SLC49A3: variants seen among roughly 807,000 people sequenced by gnomAD.
SLC49A3 encodes the protein solute carrier family 49 member A3.
A neutral mutation model predicts 43.8 loss-of-function variants in SLC49A3; 50 were observed. That is an observed-to-expected ratio of 1.14 (90% CI 0.91 to 1.45). The LOEUF (loss-of-function observed/expected upper bound fraction) is 1.45, where lower values mean the gene tolerates loss of function less well. SLC49A3 is among the 40% of genes most tolerant of loss of function. The pLI is 0.00. For synonymous variants in SLC49A3, 413 were observed against 352.0 expected, an observed-to-expected ratio of 1.17 and a Z score of -1.94; for missense variants, 906 against 774.1, an observed-to-expected ratio of 1.17 and a Z score of -2.02.
intron 5 of SLC49A3, 41 bp from the exon 6 acceptor site, chr4:684,640 C>A: frequency 6.2e-7 from 1 of 1,610,886 alleles, no homozygotes; most frequent in Non-Finnish European, 8.5e-7. Context: ...CCCGGGGGCC[C>A]TTCCCAAACC....
Position 686,536 on chromosome 4 carries a change from G to A in SLC49A3, c.290C>T (p.Ala97Val), listed in dbSNP as rs139449222. ...ATGGTGTGGGGTCTGACTCACCGCC[G>A]CACGGAGCCCGACGGAGTCCAGGAT... ...IWILDSVGLR[A>V]ATILGAWLNF... is the part of the protein sequence containing the mutation. The change falls in exon 2 of 10, where the codon GCG becomes GTG. Residue 97 changes from alanine (A) to valine (V), a missense_variant. Ala to Val is a moderately conservative substitution (Grantham distance 64, BLOSUM62 0). Transcript: ENST00000322224. 22 of 1,612,160 alleles carry A rather than the reference G, an allele frequency of 1.4e-5. No homozygotes were observed. The highest frequency in any genetic ancestry group is 4.4e-5 in the South Asian group (4 of 91,042).
At chr4:689,417 CG>C, upstream of SLC49A3, 1 of 248,570 alleles carries the variant, frequency 4.0e-6, no homozygotes, top group East Asian at 7.9e-5. Flanking sequence ...GGAAGGGCCC[CG>C]GTCACAGCCT....
Position 682,222 on chromosome 4 carries a change from G to T in SLC49A3, c.1416C>A (p.Asp472Glu). 1.5e-6 allele frequency: 2 copies of T among 1,377,574 alleles called. No homozygotes were observed. Among genetic ancestry groups the T allele is most frequent in the East Asian group, 2.8e-5 (1 of 35,476 alleles). The allele number at this position is 1,377,574 out of a possible 1,614,324, so 85.3% of individuals were successfully genotyped here. A position where few individuals can be genotyped will look rare whatever the true frequency, so the allele number is the denominator to read the frequency against. Reference sequence around the variant, plus strand: ...CCCCAGCCCTTCCTGCTCCCCCTCGGTCCACACCCGGCCCTGAGTCTGCGC... The same window carrying T: ...CCCCAGCCCTTCCTGCTCCCCCTCGTTCCACACCCGGCCCTGAGTCTGCGC... ...VGGADSGPGV[D>E]RGGAGRAGVL... Residue 472 changes from aspartate (D) to glutamate (E), a missense_variant, in exon 10 of 10, where the codon GAC (aspartate) becomes GAA (glutamate). Transcript: ENST00000322224.
downstream of SLC49A3, chr4:679,134 C>T (rs1739167431): frequency 1.1e-6 from 1 of 923,090 alleles, no homozygotes; most frequent in Non-Finnish European, 1.5e-6. Context: ...GAGCCAGGGC[C>T]CGCGCCTCAG....
Position 681,853 on chromosome 4 carries a change from T to G in SLC49A3, c.*105A>C. 4 of 1,302,932 alleles carry G rather than the reference T, an allele frequency of 3.1e-6. No homozygotes were observed. The highest frequency in any genetic ancestry group is 3.9e-6 in the Non-Finnish European group (4 of 1,018,064). The allele number at this position is 1,302,932 out of a possible 1,614,324, so 80.7% of individuals were successfully genotyped here. A position where few individuals can be genotyped will look rare whatever the true frequency, so the allele number is the denominator to read the frequency against. ...CTGCAGGTGCGCGCTTGTAATTCGCTCCCGGAGCCCGCAAGGAGCCCTTTC... is the reference window on the plus strand; with the variant it reads ...CTGCAGGTGCGCGCTTGTAATTCGCGCCCGGAGCCCGCAAGGAGCCCTTTC... On this transcript the variant is annotated 3_prime_UTR_variant, in exon 10 of 10. Transcript: ENST00000322224.
At chr4:686,033 G>A (rs965135866) in intron 3 of SLC49A3, 56 bp downstream of exon 3, 53 of 1,608,066 alleles carry the variant, frequency 3.3e-5, no homozygotes, top group East Asian at 6.7e-5. Context: ...GGAGCCGAGC[G>A]TCTGTGTGGA....
chr4:680,583 G>T (rs778732180), downstream of SLC49A3: 7 of 1,612,722 alleles, frequency 4.3e-6, no homozygotes, highest in South Asian at 5.5e-5. Context: ...AATCAACAAG[G>T]AGTAGTGAGT....
intron 9 of SLC49A3, among the ~76,000 whole-genome samples, 173 bp from the exon 10 acceptor site, chr4:682,549 TGA>T (rs1739980617): frequency 6.6e-6 from 1 of 152,178 alleles, no homozygotes; most frequent in Admixed American, 6.5e-5. Context: ...ACCCAGGTCC[TGA>T]GAGAGGTCAC....
chr4:683,427 G>C (rs924748585), intron 7 of SLC49A3, 60 bp from the exon 8 acceptor site: 39 of 1,565,984 alleles, frequency 2.5e-5, no homozygotes, highest in Non-Finnish European at 3.2e-5. Flanking sequence ...AACTGGACCT[G>C]GCTTCACGGG....
downstream of SLC49A3, chr4:677,893 C>G (rs893573561): frequency 9.8e-5 from 148 of 1,502,718 alleles, no homozygotes; most frequent in Non-Finnish European, 1.3e-4. Context: ...GTCCAGTCCC[C>G]TGGGGTAGCC....
chr4:683,583 C>A (rs1740320968), intron 7 of SLC49A3, 26 bp downstream of exon 7: 1 of 1,507,844 alleles, frequency 6.6e-7, no homozygotes. Flanking sequence ...CCCCACAGGG[C>A]AGTCTTGGCT....
At chr4:678,693 C>T (rs1312219386), downstream of SLC49A3, 4 of 1,611,476 alleles carry the variant, frequency 2.5e-6, no homozygotes, top group Non-Finnish European at 3.4e-6. Context: ...AAGGGGGTGC[C>T]CTCCGGGCCC....
Position 683,301 on chromosome 4 carries a change from A to C in SLC49A3, c.1060T>G (p.Phe354Val), listed in dbSNP as rs755136576. The change falls in exon 8 of 10, where the codon TTC becomes GTC. Residue 354 changes from phenylalanine (F) to valine (V), a missense_variant. Coordinates refer to ENST00000322224, the MANE Select transcript of SLC49A3 (RefSeq NM_032219.4). ...TCCATGGCCACGGGGCCCACCGAGA[A>C]GCCAAACAGCCCGAGCAGCGAGCAG... ...ATCSLLGLFG[F>V]SVGPVAMELA... 6.8e-6 allele frequency: 11 copies of C among 1,612,494 alleles called. No individual in the cohort carries two copies. The South Asian group carries it at 1.1e-4, about 16-fold the overall frequency.
chr4:689,658 G>A (rs981123229), upstream of SLC49A3, among the ~76,000 whole-genome samples: 2 of 152,276 alleles, frequency 1.3e-5, no homozygotes, highest in Non-Finnish European at 1.5e-5. Flanking sequence ...GAGGGCGAGG[G>A]GCTGCAGGCC....
chr4:682,465 A>C, intron 9 of SLC49A3, 89 bp from the exon 10 acceptor site: 1 of 1,238,268 alleles, frequency 8.1e-7, no homozygotes, highest in Non-Finnish European at 1.0e-6. Context: ...TGACCCCACT[A>C]CCCTTGACCA....
chr4:677,841 G>T, downstream of SLC49A3: 3 of 933,418 alleles, frequency 3.2e-6, no homozygotes, highest in East Asian at 2.5e-5. Context: ...GCAGGGCAAG[G>T]GTGTGAGTCA....
At chr4:679,905 C>G, downstream of SLC49A3, 1 of 1,613,238 alleles carries the variant, frequency 6.2e-7, no homozygotes, top group South Asian at 1.1e-5. Flanking sequence ...GCCCCCATGT[C>G]TGTAACAGGC....
chr4:682,881 C>T lies in SLC49A3; in HGVS notation c.1161G>A (p.Glu387=), dbSNP rs753072391. 4 of 1,593,032 alleles carry T rather than the reference C, an allele frequency of 2.5e-6. No homozygotes were observed. In the Admixed American group the frequency reaches 5.1e-5, roughly 20 times the overall value. ...TGMIFVLGQA[E]GILIMLAMTA... is the part of the protein sequence containing the mutation. ...TCATTGCCAGCATGATGAGTATTCCCTCGGCCTGCCTGGACACACGTGGCC... is the reference window on the plus strand; with the variant it reads ...TCATTGCCAGCATGATGAGTATTCCTTCGGCCTGCCTGGACACACGTGGCC... Residue 387 remains glutamate, a synonymous_variant, in exon 9 of 10, where the codon GAG becomes GAA. Transcript: ENST00000322224.
At chr4:681,527 A>C (rs1266736286), downstream of SLC49A3, among the ~76,000 whole-genome samples, 98 of 70,172 alleles carry the variant, frequency 1.4e-3, no homozygotes, top group Non-Finnish European at 2.4e-3. Flanking sequence ...CCCAGACCCC[A>C]CACGGTCCTC....
Sources: allele counts gnomAD v4.1 joint callset (sites outside exome capture counted in the v4.1 genomes callset), GRCh38; gene constraint gnomAD v4.1.1; transcripts MANE v1.5; gene names NCBI Gene and HGNC (gene_info 2026-07-23, HGNC 2026-07-21).